The following ZC3H7A variants were observed in gnomAD, a reference collection of about 807,000 sequenced individuals.
The protein encoded by ZC3H7A is zinc finger CCCH domain-containing protein 7A.
A neutral mutation model predicts 125.5 loss-of-function variants in ZC3H7A; 44 were observed. The ratio of observed to expected loss-of-function variants is 0.35; its 90% CI spans 0.28 to 0.45. ZC3H7A has a LOEUF of 0.45. Among genes scored for constraint, ZC3H7A ranks in the 20% least tolerant of loss-of-function variants. The pLI is 1.00. For missense variants in ZC3H7A, 977 were observed against 1,170.7 expected (o/e 0.83, Z 2.41); for synonymous variants, 399 against 391.2 (o/e 1.02, Z -0.23).
At chr16:11,777,815 T>G (rs1203780960) in intron 4 of ZC3H7A, among the ~76,000 whole-genome samples, 1 of 143,732 alleles carries the variant, frequency 7.0e-6, no homozygotes, top group South Asian at 2.2e-4. Flanking sequence ...AGGTCAGGAG[T>G]TCGAGACCAG....
chr16:11,781,160 T>C (rs530030670), intron 3 of ZC3H7A, among the ~76,000 whole-genome samples: 1 of 152,154 alleles, frequency 6.6e-6, no homozygotes, highest in Non-Finnish European at 1.5e-5. Flanking sequence ...GCCCAGACAG[T>C]ACATGTTTTA....
chr16:11,761,155 C>T (rs2044265623), intron 19 of ZC3H7A, among the ~76,000 whole-genome samples: 1 of 152,088 alleles, frequency 6.6e-6, no homozygotes, highest in Admixed American at 6.6e-5. Context: ...TAAATTGTCC[C>T]CATAACTTTT....
chr16:11,780,938 T>G (rs1321756110), intron 3 of ZC3H7A, among the ~76,000 whole-genome samples: 1 of 151,998 alleles, frequency 6.6e-6, no homozygotes, highest in African/African-American at 2.4e-5. Flanking sequence ...CAGAAAAAAA[T>G]GTTCCACACA....
At chr16:11,790,079 C>T (rs933293335) in intron 1 of ZC3H7A, among the ~76,000 whole-genome samples, 3 of 73,552 alleles carry the variant, frequency 4.1e-5, no homozygotes, top group Non-Finnish European at 8.0e-5. Flanking sequence ...GACTCCATCT[C>T]AAAAAAAAAA....
chr16:11,758,553 T>G lies in ZC3H7A; in HGVS notation c.2320-14A>C. 6.3e-7 allele frequency: 1 copy of G among 1,591,912 alleles called. No homozygotes were observed. Among genetic ancestry groups the G allele is most frequent in the African/African-American group, 1.3e-5 (1 of 74,438 alleles). On this transcript the variant is annotated splice_polypyrimidine_tract_variant and intron_variant, in intron 19 of 22. Coordinates refer to ENST00000355758, the MANE Select transcript of ZC3H7A (RefSeq NM_014153.4). ...ATGGTTGCACAGCTGTATAAAAAAA[T>G]AGGAATATGATTAAGACAAAGTACA...
rs1186484627 is a variant in ZC3H7A, at chr16:11,771,001, A to T, written c.904-14T>A. The T allele has an allele frequency of 6.3e-7, 1 of 1,583,806 alleles. No individual in the cohort carries two copies. Among genetic ancestry groups the T allele is most frequent in the Non-Finnish European group, 8.6e-7 (1 of 1,168,138 alleles). ...TAAAGCTGACGGCTGCGGAAGAAAA[A>T]AAGATGTGATTAAAATTCATGAAGC... On this transcript the variant is annotated splice_polypyrimidine_tract_variant and intron_variant, in intron 9 of 22. Coordinates refer to ENST00000355758, the MANE Select transcript of ZC3H7A (RefSeq NM_014153.4).
Position 11,768,334 on chromosome 16 carries a change from C to G in ZC3H7A, c.1341G>C (p.Gln447His). ...EGTHELRQAC[Q>H]ICFVKSGPKL... The stretch of plus-strand genomic sequence containing the variant: ...CCTGACCTGATTTTACAAAACAGAT[C>G]TGGCAAGCTTGTCTCAATTCATGGG... Residue 447 changes from glutamine to histidine, a missense_variant, in exon 12 of 23, where the codon CAG becomes CAC. Physicochemically the swap from Gln to His is conservative, Grantham distance 24. This residue lies in a region of ZC3H7A where 342 missense variants were observed against 311.3 expected (regional missense o/e 1.10). Transcript: ENST00000355758. 1.3e-6 allele frequency: 2 copies of G among 1,553,876 alleles called. No individual in the cohort carries two copies. The highest frequency in any genetic ancestry group is 1.7e-6 in the Non-Finnish European group (2 of 1,142,874).
intron 4 of ZC3H7A, among the ~76,000 whole-genome samples, chr16:11,778,299 C>T (rs1002646057): frequency 2.0e-5 from 3 of 151,634 alleles, no homozygotes; most frequent in African/African-American, 7.3e-5. Flanking sequence ...TTGCTGGGCA[C>T]GGCGGCATGC....
chr16:11,791,775 T>C (rs2053355923), intron 1 of ZC3H7A, among the ~76,000 whole-genome samples: 1 of 152,174 alleles, frequency 6.6e-6, no homozygotes, highest in Non-Finnish European at 1.5e-5. Flanking sequence ...AGTGAATCAA[T>C]ATAGTGGGAA....
intron 1 of ZC3H7A, among the ~76,000 whole-genome samples, chr16:11,789,357 C>G (rs1195813836): frequency 6.6e-6 from 1 of 151,950 alleles, no homozygotes; most frequent in Admixed American, 6.6e-5. Context: ...TGGGTTCAAG[C>G]AATTCTACTG....
intron 1 of ZC3H7A, among the ~76,000 whole-genome samples, chr16:11,788,834 G>A (rs1389010498): frequency 6.6e-6 from 1 of 152,094 alleles, no homozygotes; most frequent in Admixed American, 6.6e-5. Flanking sequence ...GGCTGGTCTC[G>A]AACTCCTGAC....
intron 1 of ZC3H7A, among the ~76,000 whole-genome samples, chr16:11,785,569 T>C (rs2141214359): frequency 6.6e-6 from 1 of 151,350 alleles, no homozygotes; most frequent in East Asian, 1.9e-4. Context: ...CCTGAAGAAA[T>C]TATAGGAAAA....
chr16:11,751,491 G>C lies in ZC3H7A; in HGVS notation c.2742C>G (p.Thr914=), dbSNP rs1324947075. The C allele has an allele frequency of 2.5e-6, 4 of 1,613,772 alleles. No homozygotes were observed. The African/African-American group carries it at 5.3e-5, about 22-fold the overall frequency. ...FSICDRYMNG[T]CPEGNSCKFA... ...ATTTACAGCTGTTTCCTTCTGGGCAGGTGCCATTCATATACCTGTAAGGAG... is the reference window on the plus strand; with the variant it reads ...ATTTACAGCTGTTTCCTTCTGGGCACGTGCCATTCATATACCTGTAAGGAG... The change falls in exon 23 of 23, where the codon ACC becomes ACG. Residue 914 remains threonine, a synonymous_variant. Transcript: ENST00000355758.
chr16:11,764,983 A>T, intron 15 of ZC3H7A, 70 bp downstream of exon 15: 1 of 1,033,128 alleles, frequency 9.7e-7, no homozygotes, highest in Non-Finnish European at 1.4e-6. Flanking sequence ...AGACATTACT[A>T]CTAGTTTTTA....
intron 1 of ZC3H7A, among the ~76,000 whole-genome samples, chr16:11,788,999 TACAC>T (rs941571157): frequency 6.6e-6 from 1 of 151,834 alleles, no homozygotes; most frequent in Non-Finnish European, 1.5e-5. Context: ...TGCATAATAC[TACAC>T]ACACACACAT....
chr16:11,783,237 AAAT>A (rs1211849067), intron 1 of ZC3H7A, among the ~76,000 whole-genome samples: 3 of 152,246 alleles, frequency 2.0e-5, no homozygotes, highest in Non-Finnish European at 4.4e-5. Context: ...ACAACAGATA[AAAT>A]AATGATATAA....
chr16:11,776,808 T>C lies in ZC3H7A; in HGVS notation c.408A>G (p.Leu136=), dbSNP rs1351512472. ...CATCGTAAGCCTTTTTGTATCTTCC[T>C]AAATCACTTAAAGCCTTAGATTTCC... The part of the protein sequence containing the change: ...LYRKSKALSD[L]GRYKKAYDAV... The change falls in exon 5 of 23, where the codon TTA becomes TTG. Residue 136 remains leucine, a synonymous_variant. Transcript: ENST00000355758. The C allele has an allele frequency of 6.2e-7, 1 of 1,613,940 alleles. No individual in the cohort carries two copies. Among genetic ancestry groups the C allele is most frequent in the Non-Finnish European group, 8.5e-7 (1 of 1,179,960 alleles).
chr16:11,761,065 T>C, intron 19 of ZC3H7A, among the ~76,000 whole-genome samples: 1 of 152,216 alleles, frequency 6.6e-6, no homozygotes, highest in Non-Finnish European at 1.5e-5. Flanking sequence ...ACCTGAGGTT[T>C]GGTATCAAAC....
chr16:11,773,939 T>C (rs1440347556), intron 9 of ZC3H7A, among the ~76,000 whole-genome samples: 1 of 152,124 alleles, frequency 6.6e-6, no homozygotes, highest in Non-Finnish European at 1.5e-5. Context: ...TAATTCATTT[T>C]TTCTTAAATA....
Sources: gnomAD v4.1 joint callset for allele counts (sites outside exome capture counted in the v4.1 genomes callset) on GRCh38, gnomAD v4.1.1 for gene constraint, gnomAD v4.1.1 regional missense constraint, MANE v1.5 for transcripts, NCBI Gene and HGNC (gene_info 2026-07-23, HGNC 2026-07-21) for gene names.